TSPAN5: variants seen among roughly 807,000 people sequenced by gnomAD.
TSPAN5 encodes tetraspanin-5.
Under a neutral mutation model 37.1 loss-of-function variants are expected in TSPAN5, and 10 were observed. That is an observed-to-expected ratio of 0.27 (90% confidence interval 0.17 to 0.46). The LOEUF (loss-of-function observed/expected upper bound fraction) is 0.46. Ranked by LOEUF, TSPAN5 falls within the 20% of genes least tolerant of loss-of-function variation. TSPAN5 has a pLI of 1.00. For missense variants in TSPAN5, 195 were observed against 326.6 expected (o/e 0.60, Z 3.11); for synonymous variants, 110 against 118.9 (o/e 0.93, Z 0.48).
chr4:98,537,996 T>C lies in TSPAN5; in HGVS notation c.82-30268A>G, dbSNP rs149403456. ...GGTGATGTGACCACCTATGAGGGGC[T>C]CAGCCCCATGCTCTGTGATCACGGC... On this transcript the variant is annotated intron_variant, in intron 1 of 7. Transcript: ENST00000305798. 4.8e-3 allele frequency among the ~76,000 whole-genome samples: 728 copies of C among 152,368 alleles called. 4 individuals carry two copies. The highest frequency in any genetic ancestry group is 0.014 in the Middle Eastern group (4 of 294).
At chr4:98,482,264 A>G in intron 3 of TSPAN5, 89 bp from the exon 4 acceptor site, 2 of 1,187,676 alleles carry the variant, frequency 1.7e-6, no homozygotes, top group Non-Finnish European at 2.4e-6. Context: ...ACAGGTTTGT[A>G]ATTACATTGG....
intron 1 of TSPAN5, among the ~76,000 whole-genome samples, chr4:98,564,242 A>G (rs1754946721): frequency 6.6e-6 from 1 of 152,254 alleles, no homozygotes; most frequent in South Asian, 2.1e-4. Flanking sequence ...ATGCTTTTCT[A>G]TACACCAAAT....
intron 1 of TSPAN5, among the ~76,000 whole-genome samples, chr4:98,542,308 C>A (rs925851723): frequency 6.6e-6 from 1 of 152,114 alleles, no homozygotes; most frequent in Non-Finnish European, 1.5e-5. Flanking sequence ...TCTTTTTGTG[C>A]CAAGTGTACT....
chr4:98,483,897 A>G (rs1752902012), intron 3 of TSPAN5: 1 of 154,218 alleles, frequency 6.5e-6, no homozygotes, highest in Admixed American at 6.4e-5. Context: ...TGCCTACCCT[A>G]CAGTGTAAAT....
chr4:98,526,903 T>C (rs754396906), intron 1 of TSPAN5, among the ~76,000 whole-genome samples: 3 of 152,212 alleles, frequency 2.0e-5, no homozygotes, highest in Non-Finnish European at 4.4e-5. Context: ...GTAAATTGTA[T>C]TGGTTGTTCT....
intron 1 of TSPAN5, among the ~76,000 whole-genome samples, chr4:98,510,516 G>A (rs1753580831): frequency 6.6e-6 from 1 of 152,122 alleles, no homozygotes; most frequent in African/African-American, 2.4e-5. Flanking sequence ...TTCAATGGTG[G>A]GTCCACATTC....
intron 1 of TSPAN5, among the ~76,000 whole-genome samples, chr4:98,644,768 G>T (rs896435330): frequency 6.6e-6 from 1 of 152,088 alleles, no homozygotes; most frequent in African/African-American, 2.4e-5. Context: ...CTTCCTGCTG[G>T]CCTGAGATAC....
intron 2 of TSPAN5, among the ~76,000 whole-genome samples, chr4:98,487,881 C>A (rs1463582279): frequency 6.6e-6 from 1 of 152,066 alleles, no homozygotes; most frequent in Non-Finnish European, 1.5e-5. Context: ...ATATTAAATA[C>A]CACCCAGAAC....
At chr4:98,529,332 G>A (rs975079152) in intron 1 of TSPAN5, among the ~76,000 whole-genome samples, 1 of 152,228 alleles carries the variant, frequency 6.6e-6, no homozygotes, top group African/African-American at 2.4e-5. Context: ...TTTCCAGCTG[G>A]AAGGGTGTAG....
chr4:98,650,276 A>G (rs1230839302), intron 1 of TSPAN5, among the ~76,000 whole-genome samples: 1 of 152,138 alleles, frequency 6.6e-6, no homozygotes, highest in Non-Finnish European at 1.5e-5. Flanking sequence ...CCAATCTGGT[A>G]GGCTTCCTAC....
chr4:98,598,934 C>T (rs1249284497), intron 1 of TSPAN5, among the ~76,000 whole-genome samples: 8 of 152,086 alleles, frequency 5.3e-5, no homozygotes, highest in Non-Finnish European at 1.5e-5. Context: ...TATTTATACT[C>T]CTTAAACAAT....
chr4:98,592,632 T>C (rs886286368), intron 1 of TSPAN5, among the ~76,000 whole-genome samples: 7 of 127,724 alleles, frequency 5.5e-5, no homozygotes, highest in African/African-American at 2.1e-4. Context: ...TTCCCCTTCC[T>C]GTGTCCATGT....
At chr4:98,590,722 AAGAG>A (rs1414539017) in intron 1 of TSPAN5, among the ~76,000 whole-genome samples, 11 of 150,412 alleles carry the variant, frequency 7.3e-5, no homozygotes, top group Non-Finnish European at 1.0e-4. Flanking sequence ...AAAAAAAAAA[AAGAG>A]AGAGAGAGAG....
chr4:98,472,193 G>A lies in TSPAN5; in HGVS notation c.*329C>T, dbSNP rs1002343368. ...CCAGCCCTCCAATTACGGAAGATGA[G>A]GACAAGAATGTATTTTCTGCACATT... On this transcript the variant is annotated 3_prime_UTR_variant, in exon 8 of 8. Coordinates refer to ENST00000305798, the MANE Select transcript of TSPAN5 (RefSeq NM_005723.4). 4.7e-6 allele frequency: 1 copy of A among 212,216 alleles called. No homozygotes were observed. Among genetic ancestry groups the A allele is most frequent in the African/African-American group, 2.3e-5 (1 of 43,412 alleles). 13.1% of individuals were successfully genotyped at this position (212,216 alleles called of 1,614,324 possible). A position where few individuals can be genotyped will look rare whatever the true frequency, so the allele number is the denominator to read the frequency against.
intron 1 of TSPAN5, among the ~76,000 whole-genome samples, chr4:98,644,845 C>G (rs972288761): frequency 1.2e-4 from 19 of 152,166 alleles, no homozygotes; most frequent in African/African-American, 4.3e-4. Flanking sequence ...GGGTTAGCAA[C>G]TTTTCAGAAA....
At chr4:98,631,631 G>T (rs1376483845) in intron 1 of TSPAN5, among the ~76,000 whole-genome samples, 1 of 152,132 alleles carries the variant, frequency 6.6e-6, no homozygotes, top group Non-Finnish European at 1.5e-5. Context: ...CCTGAGAGGG[G>T]CTCTTTAGTG....
intron 1 of TSPAN5, among the ~76,000 whole-genome samples, chr4:98,549,643 G>A (rs796840324): frequency 1.3e-4 from 20 of 152,062 alleles, no homozygotes; most frequent in African/African-American, 4.3e-4. Flanking sequence ...TAGTGATGTT[G>A]AGCATTTTTT....
chr4:98,625,368 T>G (rs776047069), intron 1 of TSPAN5, among the ~76,000 whole-genome samples: 2 of 152,206 alleles, frequency 1.3e-5, no homozygotes, highest in Non-Finnish European at 2.9e-5. Flanking sequence ...GTCACACTGA[T>G]AGTTCCGAGC....
At chr4:98,584,308 T>C (rs1755439198) in intron 1 of TSPAN5, among the ~76,000 whole-genome samples, 1 of 152,116 alleles carries the variant, frequency 6.6e-6, no homozygotes, top group African/African-American at 2.4e-5. Flanking sequence ...ATTCAATCAT[T>C]CCCATTATAT....
Sources: gnomAD v4.1 joint callset for allele counts (sites outside exome capture counted in the v4.1 genomes callset) on GRCh38, gnomAD v4.1.1 for gene constraint, MANE v1.5 for transcripts, NCBI Gene and HGNC (gene_info 2026-07-23, HGNC 2026-07-21) for gene names.